Variants in RNF38 observed in about 807,000 individuals in gnomAD.
The protein encoded by RNF38 is ring finger protein 38.
A neutral mutation model predicts 67.2 loss-of-function variants in RNF38; 15 were observed. The observed-to-expected ratio is 0.22, with a 90% CI of 0.15 to 0.34. The LOEUF (loss-of-function observed/expected upper bound fraction) is 0.34, where lower values mean the gene tolerates loss of function less well. RNF38 is among the 10% of genes least tolerant of loss of function. The pLI is 1.00. For synonymous variants in RNF38, 220 were observed against 218.8 expected (o/e 1.01, Z -0.05); for missense variants, 524 against 639.9 (o/e 0.82, Z 1.95).
At chr9:36,454,119 T>C (rs1839526898) in intron 1 of RNF38, among the ~76,000 whole-genome samples, 2 of 151,884 alleles carry the variant, frequency 1.3e-5, no homozygotes, top group African/African-American at 2.4e-5. Flanking sequence ...TACATAAAAT[T>C]CTTTCATACT....
intron 1 of RNF38, among the ~76,000 whole-genome samples, chr9:36,462,650 A>C (rs1006537637): frequency 2.0e-5 from 3 of 151,572 alleles, no homozygotes; most frequent in Admixed American, 1.3e-4. Flanking sequence ...CACTGCACCA[A>C]TGATGCTTTC....
intron 1 of RNF38, among the ~76,000 whole-genome samples, chr9:36,441,552 T>C (rs1029781509): frequency 6.6e-6 from 1 of 152,172 alleles, no homozygotes; most frequent in Non-Finnish European, 1.5e-5. Flanking sequence ...CTTGAACTCC[T>C]GACCTCGTGA....
chr9:36,375,401 A>T (rs1835715249), intron 3 of RNF38, among the ~76,000 whole-genome samples: 1 of 152,170 alleles, frequency 6.6e-6, no homozygotes, highest in African/African-American at 2.4e-5. Context: ...TATGTTGCCC[A>T]GGCTGGTCTC....
chr9:36,413,126 G>A lies in RNF38; in HGVS notation n.312+11487C>T, dbSNP rs184400260. Among the ~76,000 whole-genome samples, 736 of 151,790 alleles carry A rather than the reference G, an allele frequency of 4.8e-3. 8 individuals are homozygous for A. The highest frequency in any genetic ancestry group is 0.017 in the African/African-American group (683 of 41,358). ...TGTCTGTAATCCCAGCTACTAGGGA[G>A]GCAGAGGCAGGAGACTCATTTGAAC... On this transcript the variant is annotated intron_variant and non_coding_transcript_variant, in intron 2 of 3. Coordinates refer to the RNF38 transcript ENST00000488058.
intron 1 of RNF38, among the ~76,000 whole-genome samples, chr9:36,451,614 C>A (rs1839449913): frequency 7.0e-6 from 1 of 143,426 alleles, no homozygotes; most frequent in Non-Finnish European, 1.5e-5. Context: ...GATTCTCCTG[C>A]CTCAGCCTCC....
chr9:36,363,873 A>ATT lies in RNF38; in HGVS notation c.570+5844_570+5845dup, dbSNP rs558655028. On this transcript the variant is annotated intron_variant, in intron 4 of 11. Coordinates refer to ENST00000259605, the MANE Select transcript of RNF38 (RefSeq NM_022781.5). Reference sequence around the variant, plus strand: ...ACTGCATGGGTCTACTTATATGCAGATTTTTTTTTTTTTTTTTTTGGAGGT... The same window carrying ATT: ...ACTGCATGGGTCTACTTATATGCAGATTTTTTTTTTTTTTTTTTTTTGGAGGT... Among the ~76,000 whole-genome samples, 230 of 76,292 alleles carry ATT rather than the reference A, an allele frequency of 3.0e-3. 42 individuals carry two copies. The highest frequency in any genetic ancestry group is 8.0e-3 in the African/African-American group (207 of 25,886). The allele number at this position is 76,292 out of a possible 152,430, so 50.1% of individuals were successfully genotyped here.
At chr9:36,389,930 A>T (rs1041476334) in intron 2 of RNF38, among the ~76,000 whole-genome samples, 5 of 152,202 alleles carry the variant, frequency 3.3e-5, no homozygotes, top group Non-Finnish European at 5.9e-5. Flanking sequence ...AGATTCCAGT[A>T]ATCTTGTTAA....
At chr9:36,419,670 G>A (rs1336887195) in intron 2 of RNF38, among the ~76,000 whole-genome samples, 3 of 152,136 alleles carry the variant, frequency 2.0e-5, no homozygotes, top group African/African-American at 7.2e-5. Flanking sequence ...GTATCTAAGT[G>A]AAACATGACT....
intron 1 of RNF38, among the ~76,000 whole-genome samples, chr9:36,436,371 C>T (rs552800529): frequency 1.5e-3 from 224 of 152,262 alleles, no homozygotes; most frequent in Non-Finnish European, 2.9e-3. Flanking sequence ...AAGAGCTTAG[C>T]CATTCAGCTC....
intron 1 of RNF38, among the ~76,000 whole-genome samples, chr9:36,478,240 T>C (rs972371476): frequency 1.3e-5 from 2 of 150,386 alleles, no homozygotes; most frequent in African/African-American, 4.9e-5. Context: ...CCATCTCTAC[T>C]AAAAATACAA....
intron 1 of RNF38, among the ~76,000 whole-genome samples, chr9:36,440,707 A>G (rs1042482255): frequency 6.6e-6 from 1 of 152,216 alleles, no homozygotes; most frequent in Non-Finnish European, 1.5e-5. Context: ...ATCCTTGAAA[A>G]GGACAATGGA....
intron 2 of RNF38, among the ~76,000 whole-genome samples, chr9:36,412,155 A>G (rs1310012298): frequency 6.6e-6 from 1 of 152,224 alleles, no homozygotes; most frequent in East Asian, 1.9e-4. Flanking sequence ...TGGCTTACAA[A>G]GAACTACATG....
At chr9:36,455,748 AC>A (rs1163566471) in intron 1 of RNF38, among the ~76,000 whole-genome samples, 11 of 151,714 alleles carry the variant, frequency 7.3e-5, no homozygotes, top group African/African-American at 2.7e-4. Flanking sequence ...AGATGGTGAA[AC>A]CCCGTCTCTA....
At chr9:36,463,545 T>A (rs1426230894) in intron 1 of RNF38, among the ~76,000 whole-genome samples, 1 of 152,144 alleles carries the variant, frequency 6.6e-6, no homozygotes. Flanking sequence ...ATTTTCAATA[T>A]GAACTGTTTA....
chr9:36,485,792 A>G (rs1840396050), intron 1 of RNF38, among the ~76,000 whole-genome samples: 3 of 152,188 alleles, frequency 2.0e-5, no homozygotes, highest in Admixed American at 6.5e-5. Flanking sequence ...GCATTTGTTA[A>G]TTAGTCTTTC....
chr9:36,447,884 T>C (rs978174407), intron 1 of RNF38, among the ~76,000 whole-genome samples: 2 of 152,210 alleles, frequency 1.3e-5, no homozygotes, highest in African/African-American at 4.8e-5. Flanking sequence ...CATAATTGGG[T>C]TTTGTTTTCA....
intron 1 of RNF38, among the ~76,000 whole-genome samples, chr9:36,438,756 C>T (rs1202818057): frequency 6.6e-6 from 1 of 152,166 alleles, no homozygotes; most frequent in Non-Finnish European, 1.5e-5. Context: ...CTCCTCTTAC[C>T]CAGCTGAATA....
intron 1 of RNF38, among the ~76,000 whole-genome samples, chr9:36,424,964 T>C (rs1002944430): frequency 1.1e-4 from 17 of 152,140 alleles, no homozygotes; most frequent in Admixed American, 3.3e-4. Context: ...TAGTCTGCTT[T>C]CAAAGTAAGA....
intron 1 of RNF38, among the ~76,000 whole-genome samples, chr9:36,469,339 C>T (rs1839941442): frequency 6.6e-6 from 1 of 151,312 alleles, no homozygotes; most frequent in Admixed American, 6.6e-5. Context: ...CTTTTTTTTC[C>T]CCCACTATTT....
Sources: allele counts gnomAD v4.1 joint callset (sites outside exome capture counted in the v4.1 genomes callset), GRCh38; gene constraint gnomAD v4.1.1; transcripts MANE v1.5; gene names NCBI Gene and HGNC (gene_info 2026-07-23, HGNC 2026-07-21).